Variants in HHAT observed in about 807,000 individuals in gnomAD.
HHAT encodes hedgehog acyltransferase, also known as protein-cysteine N-palmitoyltransferase HHAT.
In HHAT, 47 loss-of-function variants were observed where a neutral mutation model predicts 70.8. The observed-to-expected ratio is 0.66, with a 90% CI of 0.53 to 0.85. The LOEUF (loss-of-function observed/expected upper bound fraction) is 0.85. HHAT is among the 40% of genes least tolerant of loss of function. The probability of loss-of-function intolerance (pLI) is 0.00; values close to 1 mark genes in which losing one functional copy is unlikely to be tolerated. For missense variants in HHAT, 609 were observed against 604.8 expected, an observed-to-expected ratio of 1.01 and a Z score of -0.07; for synonymous variants, 228 against 247.6, an observed-to-expected ratio of 0.92 and a Z score of 0.74.
intron 7 of HHAT, among the ~76,000 whole-genome samples, chr1:210,429,492 T>C (rs990850874): frequency 1.8e-4 from 28 of 151,890 alleles, no homozygotes; most frequent in African/African-American, 6.6e-4. Context: ...GGATTTGACT[T>C]TTTAAAATTG....
intron 8 of HHAT, 133 bp from the exon 9 acceptor site, chr1:210,513,020 C>T (rs2094986750): frequency 1.7e-6 from 1 of 583,056 alleles, no homozygotes; most frequent in Admixed American, 3.7e-5. Flanking sequence ...CCAGCAGCCA[C>T]ATCTTGAGAA....
chr1:210,667,571 G>C (rs1679184238), intron 11 of HHAT, among the ~76,000 whole-genome samples: 1 of 151,894 alleles, frequency 6.6e-6, no homozygotes, highest in African/African-American at 2.4e-5. Context: ...CATACTAAAT[G>C]CATCATTCAA....
intron 7 of HHAT, among the ~76,000 whole-genome samples, chr1:210,419,899 T>A (rs1299425589): frequency 6.6e-6 from 1 of 152,182 alleles, no homozygotes; most frequent in African/African-American, 2.4e-5. Context: ...TGAGGGTTTT[T>A]AAACTAAAAG....
At chr1:210,486,133 G>A (rs2094469421) in intron 8 of HHAT, among the ~76,000 whole-genome samples, 1 of 152,142 alleles carries the variant, frequency 6.6e-6, no homozygotes, top group Admixed American at 6.6e-5. Flanking sequence ...AGCAAAATGG[G>A]CACTTTTCAT....
At chr1:210,673,366 C>A (rs34942004) in intron 11 of HHAT, among the ~76,000 whole-genome samples, 10,004 of 150,730 alleles carry the variant, frequency 0.066, 468 homozygotes, top group Middle Eastern at 0.11. Flanking sequence ...AAAAAAAAAA[C>A]ACACAACGGT....
intron 10 of HHAT, among the ~76,000 whole-genome samples, chr1:210,592,287 A>C (rs1261925655): frequency 1.3e-5 from 2 of 151,672 alleles, no homozygotes; most frequent in Non-Finnish European, 2.9e-5. Flanking sequence ...TTTTGAAGAG[A>C]TTGTCTTTCC....
intron 1 of HHAT, among the ~76,000 whole-genome samples, chr1:210,344,192 G>A (rs1367964023): frequency 1.3e-5 from 2 of 152,194 alleles, no homozygotes; most frequent in African/African-American, 4.8e-5. Flanking sequence ...TCCCTGCTTA[G>A]TTACCTGGTG....
chr1:210,498,699 G>A (rs1281117191), intron 8 of HHAT, among the ~76,000 whole-genome samples: 1 of 152,050 alleles, frequency 6.6e-6, no homozygotes, highest in African/African-American at 2.4e-5. Context: ...GCAACTGTTG[G>A]CATAGTGGAT....
At chr1:210,554,407 G>GT (rs1229912947) in intron 9 of HHAT, among the ~76,000 whole-genome samples, 2 of 152,124 alleles carry the variant, frequency 1.3e-5, no homozygotes, top group Admixed American at 6.5e-5. Flanking sequence ...GACTAAGGGA[G>GT]TTTTGCCCTT....
At chr1:210,446,596 C>T (rs2093639853) in intron 7 of HHAT, among the ~76,000 whole-genome samples, 1 of 152,194 alleles carries the variant, frequency 6.6e-6, no homozygotes, top group South Asian at 2.1e-4. Context: ...TCATCTCCTC[C>T]CACCCTTGCC....
At position 210,603,676 on chromosome 1, in the gene HHAT, G is replaced by A. The variant is rs369786876; in HGVS notation, c.1245+15577G>A. ...ATATGTACATATGCTGTGACTATAT[G>A]TGTGCAACGTGTGTGTGTGCATGCC... is the stretch of plus-strand genomic sequence containing the variant. On this transcript the variant is annotated intron_variant, in intron 10 of 11. Coordinates refer to ENST00000261458, the MANE Select transcript of HHAT (RefSeq NM_018194.6). Among the ~76,000 whole-genome samples the A allele has an allele frequency of 3.9e-5, 6 of 152,288 alleles. No homozygotes were observed. In the South Asian group the frequency reaches 1.2e-3, roughly 32 times the overall value.
chr1:210,569,586 A>G (rs1235063598), intron 9 of HHAT, among the ~76,000 whole-genome samples: 2 of 152,056 alleles, frequency 1.3e-5, no homozygotes, highest in Non-Finnish European at 2.9e-5. Flanking sequence ...AGGCAAGGAT[A>G]ATCTTTTTCC....
chr1:210,538,133 C>T lies in HHAT; in HGVS notation c.1043+24945C>T, dbSNP rs148818458. Among the ~76,000 whole-genome samples, 589 of 150,564 alleles carry T rather than the reference C, an allele frequency of 3.9e-3. 4 individuals are homozygous for T. Among genetic ancestry groups the T allele is most frequent in the African/African-American group, 0.014 (571 of 41,018 alleles). ...TTATGAGAATGGATTCATTGTATCC[C>T]GTAATTTGCTATTATAGTATGTAAT... On this transcript the variant is annotated intron_variant, in intron 9 of 11. Transcript: ENST00000261458.
At chr1:210,479,346 C>T (rs1258090605) in intron 8 of HHAT, among the ~76,000 whole-genome samples, 1 of 152,108 alleles carries the variant, frequency 6.6e-6, no homozygotes, top group Non-Finnish European at 1.5e-5. Flanking sequence ...ATAGAGGAGT[C>T]CCTGCCCTCA....
intron 9 of HHAT, among the ~76,000 whole-genome samples, chr1:210,538,737 A>G (rs569009832): frequency 6.6e-6 from 1 of 152,320 alleles, no homozygotes; most frequent in South Asian, 2.1e-4. Flanking sequence ...CATAAAGAAG[A>G]AGCTGTCCTG....
chr1:210,515,999 G>A (rs1287174898), intron 9 of HHAT, among the ~76,000 whole-genome samples: 1 of 152,082 alleles, frequency 6.6e-6, no homozygotes, highest in South Asian at 2.1e-4. Flanking sequence ...GAACCCAGAA[G>A]GCCAAAGCTG....
At chr1:210,471,464 C>T (rs1450684529) in intron 8 of HHAT, among the ~76,000 whole-genome samples, 1 of 151,658 alleles carries the variant, frequency 6.6e-6, no homozygotes, top group Admixed American at 6.6e-5. Context: ...TCAATTCAGA[C>T]TTGGCTAGGA....
chr1:210,647,419 C>T (rs1674280385), intron 11 of HHAT, among the ~76,000 whole-genome samples: 1 of 152,178 alleles, frequency 6.6e-6, no homozygotes, highest in Non-Finnish European at 1.5e-5. Context: ...GTCCTTTTCC[C>T]CATTCCACTG....
intron 9 of HHAT, among the ~76,000 whole-genome samples, chr1:210,576,947 TTTG>T (rs988627973): frequency 4.6e-5 from 7 of 152,178 alleles, no homozygotes; most frequent in Non-Finnish European, 7.3e-5. Flanking sequence ...TTTATTCTTT[TTTG>T]TTGTTCTTTT....
Sources: gnomAD v4.1 joint callset for allele counts (sites outside exome capture counted in the v4.1 genomes callset) on GRCh38, gnomAD v4.1.1 for gene constraint, MANE v1.5 for transcripts, NCBI Gene and HGNC (gene_info 2026-07-23, HGNC 2026-07-21) for gene names.